PPP6R2: variants seen among roughly 807,000 people sequenced by gnomAD.
PPP6R2 encodes the protein serine/threonine-protein phosphatase 6 regulatory subunit 2.
Under a neutral mutation model 100.2 loss-of-function variants are expected in PPP6R2, and 62 were observed. The observed-to-expected ratio is 0.62, with a 90% CI of 0.50 to 0.76. The LOEUF (loss-of-function observed/expected upper bound fraction) is 0.76. Ranked by LOEUF, PPP6R2 falls within the 30% of genes least tolerant of loss-of-function variation. PPP6R2 has a pLI of 0.00. For synonymous variants in PPP6R2, 525 were observed against 514.7 expected, an observed-to-expected ratio of 1.02 and a Z score of -0.27; for missense variants, 1,142 against 1,276.3, an observed-to-expected ratio of 0.89 and a Z score of 1.60.
chr22:50,410,915 C>CT (rs2059658209), intron 4 of PPP6R2, among the ~76,000 whole-genome samples: 1 of 152,106 alleles, frequency 6.6e-6, no homozygotes, highest in South Asian at 2.1e-4. Flanking sequence ...CCTCAGCCTC[C>CT]CGCGTAGCCA....
At position 50,431,048 on chromosome 22, in the gene PPP6R2, TACCC is replaced by T. The variant is rs1409380420; in HGVS notation, c.1126-123_1126-120del. The T allele has an allele frequency of 1.9e-5, 14 of 753,178 alleles. No individual in the cohort carries two copies. Among genetic ancestry groups the T allele is most frequent in the Non-Finnish European group, 2.9e-5 (13 of 450,178 alleles). 46.7% of individuals were successfully genotyped at this position (753,178 alleles called of 1,614,324 possible). A position where few individuals can be genotyped will look rare whatever the true frequency, so the allele number is the denominator to read the frequency against. ...AAAACGCTTAAAACTCCTTCCTAGC[TACCC>T]AGAGACTGGACTTGTGAGGAGTTAG... On this transcript the variant is annotated intron_variant, in intron 10 of 23. Transcript: ENST00000612753. The surrounding 1 kb of genome is among the most constrained non-coding windows in gnomAD (Gnocchi z 4.8).
intron 2 of PPP6R2, among the ~76,000 whole-genome samples, chr22:50,374,432 T>A (rs1251258836): frequency 6.6e-6 from 1 of 152,124 alleles, no homozygotes; most frequent in African/African-American, 2.4e-5. Context: ...AAAGACATTA[T>A]CCAAAGTGCA....
At chr22:50,422,988 G>C (rs868260768) in intron 9 of PPP6R2, among the ~76,000 whole-genome samples, 5 of 152,176 alleles carry the variant, frequency 3.3e-5, no homozygotes, top group South Asian at 2.1e-4. Context: ...GAGTGTGGGG[G>C]ATCAGAAAAG....
chr22:50,422,904 C>T (rs765100857), intron 9 of PPP6R2, among the ~76,000 whole-genome samples: 2 of 152,180 alleles, frequency 1.3e-5, no homozygotes, highest in East Asian at 3.9e-4. Context: ...GTCCCACTAG[C>T]GAGCTCTGTG....
At chr22:50,373,240 C>CTTTCT (rs2050677977) in intron 2 of PPP6R2, among the ~76,000 whole-genome samples, 1 of 126,444 alleles carries the variant, frequency 7.9e-6, no homozygotes, top group Non-Finnish European at 1.7e-5. Flanking sequence ...TAATTTCTTT[C>CTTTCT]TTTTTTTTTT....
chr22:50,341,742 C>G (rs1354950703), upstream of PPP6R2, among the ~76,000 whole-genome samples: 3 of 152,226 alleles, frequency 2.0e-5, no homozygotes, highest in South Asian at 2.1e-4. Context: ...GGCCTGTAAT[C>G]CCAGCACTCT....
intron 3 of PPP6R2, among the ~76,000 whole-genome samples, chr22:50,394,810 A>T (rs1391748527): frequency 6.8e-6 from 1 of 147,872 alleles, no homozygotes; most frequent in Admixed American, 6.9e-5. Flanking sequence ...TGTACTCAGG[A>T]GGCTGAGGCA....
intron 10 of PPP6R2, among the ~76,000 whole-genome samples, chr22:50,425,499 T>C (rs2061967213): frequency 6.6e-6 from 1 of 152,240 alleles, no homozygotes; most frequent in Non-Finnish European, 1.5e-5. Flanking sequence ...TCAGTTCTTC[T>C]GAAAGTAAGA....
intron 2 of PPP6R2, among the ~76,000 whole-genome samples, chr22:50,379,361 G>T (rs1469812133): frequency 6.6e-6 from 1 of 152,052 alleles, no homozygotes. Flanking sequence ...GCCGGGAGCG[G>T]TGGTGCATGC....
rs537137484 is a variant in PPP6R2, at chr22:50,432,453, G to T, written c.1400+124G>T. Reference sequence around the variant, plus strand: ...GGATCGGGTGGAGTGTAGGGTGTGCGACGTGGCTCCACGTTCTGGGGCTGC... The same window carrying T: ...GGATCGGGTGGAGTGTAGGGTGTGCTACGTGGCTCCACGTTCTGGGGCTGC... On this transcript the variant is annotated intron_variant, in intron 12 of 23. Transcript: ENST00000612753. 17 of 923,682 alleles carry T rather than the reference G, an allele frequency of 1.8e-5. No homozygotes were observed. In the African/African-American group the frequency reaches 2.6e-4, roughly 14 times the overall value. 57.2% of individuals were successfully genotyped at this position (923,682 alleles called of 1,614,324 possible).
At chr22:50,340,881 G>T (rs1261986848), upstream of PPP6R2, among the ~76,000 whole-genome samples, 1 of 151,884 alleles carries the variant, frequency 6.6e-6, no homozygotes, top group African/African-American at 2.4e-5. Flanking sequence ...GAGCTCCTAG[G>T]GGTAGGGAAG....
At chr22:50,442,282 C>T (rs2065841827) in intron 22 of PPP6R2, among the ~76,000 whole-genome samples, 1 of 152,218 alleles carries the variant, frequency 6.6e-6, no homozygotes, top group Non-Finnish European at 1.5e-5. Context: ...GGGCATCTCC[C>T]CCAGCCAAGC....
intron 19 of PPP6R2, among the ~76,000 whole-genome samples, chr22:50,439,154 G>T (rs555952296): frequency 2.0e-5 from 3 of 152,198 alleles, no homozygotes; most frequent in East Asian, 3.9e-4. Context: ...CTCACAGGCC[G>T]CATGGCTGAT....
chr22:50,359,250 GCTCTGTC>G (rs1478370779), intron 1 of PPP6R2, among the ~76,000 whole-genome samples: 1 of 119,742 alleles, frequency 8.4e-6, no homozygotes, highest in Non-Finnish European at 1.6e-5. Flanking sequence ...ACTGAGTCTT[GCTCTGTC>G]GCCCAGGCTG....
intron 3 of PPP6R2, among the ~76,000 whole-genome samples, chr22:50,397,427 G>A (rs2057132216): frequency 1.3e-5 from 2 of 152,176 alleles, no homozygotes; most frequent in South Asian, 4.1e-4. Context: ...TCTAAAATTG[G>A]TGAACAAAGA....
intron 1 of PPP6R2, among the ~76,000 whole-genome samples, chr22:50,357,486 CCT>C (rs1282178700): frequency 6.6e-6 from 1 of 150,748 alleles, no homozygotes; most frequent in Non-Finnish European, 1.5e-5. Context: ...CCTTTTCCTC[CCT>C]GTCTCTCTCT....
At chr22:50,363,578 A>G (rs1305684448) in intron 1 of PPP6R2, among the ~76,000 whole-genome samples, 3 of 152,186 alleles carry the variant, frequency 2.0e-5, no homozygotes, top group Admixed American at 1.3e-4. Flanking sequence ...TTGAGGGCAT[A>G]TGGTAGAGTC....
At chr22:50,367,977 C>A (rs1412695822) in intron 1 of PPP6R2, among the ~76,000 whole-genome samples, 1 of 152,178 alleles carries the variant, frequency 6.6e-6, no homozygotes, top group Non-Finnish European at 1.5e-5. Flanking sequence ...TAAGGTCATG[C>A]GAGTCACGTG....
chr22:50,430,099 C>T (rs550780611), intron 10 of PPP6R2, among the ~76,000 whole-genome samples: 4 of 152,370 alleles, frequency 2.6e-5, no homozygotes, highest in South Asian at 2.1e-4. Flanking sequence ...ATGTAAGAGA[C>T]GGCAGTGGGG....
Sources: allele counts gnomAD v4.1 joint callset (sites outside exome capture counted in the v4.1 genomes callset), GRCh38; gene constraint gnomAD v4.1.1; non-coding constraint Gnocchi (gnomAD v3.1); transcripts MANE v1.5; gene names NCBI Gene and HGNC (gene_info 2026-07-23, HGNC 2026-07-21).